EFCC1: variants seen among roughly 807,000 people sequenced by gnomAD.
EFCC1 encodes EF-hand and coiled-coil domain-containing protein 1.
In EFCC1, 50 loss-of-function variants were observed where a neutral mutation model predicts 52.1. That is an observed-to-expected ratio of 0.96 (90% confidence interval 0.76 to 1.21). The LOEUF is 1.21. Ranked by LOEUF, EFCC1 falls within the 50% of genes most tolerant of loss-of-function variation. The pLI, the probability that EFCC1 is intolerant of heterozygous loss-of-function variation, is 0.00. For missense variants in EFCC1, 837 were observed against 867.3 expected (o/e 0.97, Z 0.44); for synonymous variants, 399 against 396.5 (o/e 1.01, Z -0.08).
chr3:129,016,393 A>G (rs1945583505), intron 2 of EFCC1, among the ~76,000 whole-genome samples: 1 of 152,014 alleles, frequency 6.6e-6, no homozygotes, highest in Non-Finnish European at 1.5e-5. Context: ...GCTCTTTCTG[A>G]AGGACTTTAT....
Position 129,002,321 on chromosome 3 carries a change from G to A in EFCC1, c.693G>A (p.Leu231=). ...LQSSDARCLA[L]QVGLWKSQAS... is the part of the protein sequence containing the mutation. ...GCAGTGATGCGCGCTGCCTAGCACTGCAGGTGCGCGCCGGCCACGAAGGGA... is the reference window on the plus strand; with the variant it reads ...GCAGTGATGCGCGCTGCCTAGCACTACAGGTGCGCGCCGGCCACGAAGGGA... The change falls in exon 1 of 8, where the codon CTG becomes CTA. Residue 231 remains leucine (L), a synonymous_variant. Transcript: ENST00000683648. 6.6e-7 allele frequency: 1 copy of A among 1,515,810 alleles called. No individual in the cohort carries two copies. The highest frequency in any genetic ancestry group is 8.8e-7 in the Non-Finnish European group (1 of 1,139,180). 93.9% of individuals were successfully genotyped at this position (1,515,810 alleles called of 1,614,324 possible).
chr3:129,002,745 C>T (rs973564209), intron 1 of EFCC1: 3 of 184,166 alleles, frequency 1.6e-5, no homozygotes, highest in Middle Eastern at 2.2e-3. Flanking sequence ...CCTGTCCTCA[C>T]CTTTAGGGAT....
chr3:129,036,865 T>G (rs1315564472), intron 5 of EFCC1, 112 bp from the exon 6 acceptor site: 1 of 1,528,726 alleles, frequency 6.5e-7, no homozygotes, highest in Non-Finnish European at 8.9e-7. Context: ...GGCCACACAC[T>G]CAGCTTCTCT....
rs920635458 is a variant in EFCC1, at chr3:129,010,913, C to T, written c.980+6836C>T. On this transcript the variant is annotated intron_variant, in intron 2 of 7. Transcript: ENST00000683648. The surrounding 1 kb of genome is among the most constrained non-coding windows in gnomAD (Gnocchi z 4.3). Reference sequence around the variant, plus strand: ...GGCTTGGTGGGTGGGGGCCTAGGCTCAGAAGGCCCAGCCCAACCTGGCTTT... The same window carrying T: ...GGCTTGGTGGGTGGGGGCCTAGGCTTAGAAGGCCCAGCCCAACCTGGCTTT... 6.6e-6 allele frequency among the ~76,000 whole-genome samples: 1 copy of T among 152,206 alleles called. No individual in the cohort carries two copies. Among genetic ancestry groups the T allele is most frequent in the Non-Finnish European group, 1.5e-5 (1 of 68,030 alleles).
intron 2 of EFCC1, among the ~76,000 whole-genome samples, chr3:129,018,437 G>A (rs1203573880): frequency 1.3e-5 from 2 of 152,142 alleles, no homozygotes; most frequent in Non-Finnish European, 2.9e-5. Context: ...TTTTAGTGTC[G>A]ATGAATAAAG....
At chr3:129,028,108 G>A (rs954246660) in intron 2 of EFCC1, among the ~76,000 whole-genome samples, 3 of 143,920 alleles carry the variant, frequency 2.1e-5, no homozygotes, top group Non-Finnish European at 4.5e-5. Context: ...TTTTTGAGAT[G>A]GAGCCTCACC....
rs556585061 is a variant in EFCC1, at chr3:129,010,522, G to A, written c.980+6445G>A. Among the ~76,000 whole-genome samples, 2 of 152,264 alleles carry A rather than the reference G, an allele frequency of 1.3e-5. No homozygotes were observed. Among genetic ancestry groups the A allele is most frequent in the South Asian group, 2.1e-4 (1 of 4,826 alleles). On this transcript the variant is annotated intron_variant, in intron 2 of 7. Transcript: ENST00000683648. This position sits in a 1 kb window ranked among gnomAD's most constrained non-coding sequence, Gnocchi z 4.3. ...GGGATGGAGGAAAGGGGGTGGGAGAGGGAGGGAGGAGGGACGGCAATTGGC... is the reference window on the plus strand; with the variant it reads ...GGGATGGAGGAAAGGGGGTGGGAGAAGGAGGGAGGAGGGACGGCAATTGGC...
chr3:129,035,476 GCTCCAGC>G (rs1197889676), intron 5 of EFCC1, among the ~76,000 whole-genome samples: 1 of 152,252 alleles, frequency 6.6e-6, no homozygotes, highest in African/African-American at 2.4e-5. Flanking sequence ...GCCTGTTTGG[GCTCCAGC>G]CTCTTAGTGC....
rs113567990 is a variant in EFCC1, at chr3:129,015,330, C to A, written c.980+11253C>A. On this transcript the variant is annotated intron_variant, in intron 2 of 7. Transcript: ENST00000683648. Reference sequence around the variant, plus strand: ...CTCTTTAGGGAGGCCCCACCTCCATCTACAGCCTCTTCCTAACGTCTTTCA... The same window carrying A: ...CTCTTTAGGGAGGCCCCACCTCCATATACAGCCTCTTCCTAACGTCTTTCA... 1.0e-3 allele frequency among the ~76,000 whole-genome samples: 159 copies of A among 152,312 alleles called. 1 individual carries two copies. Among genetic ancestry groups the A allele is most frequent in the African/African-American group, 3.8e-3 (157 of 41,556 alleles).
chr3:129,003,667 G>A, intron 1 of EFCC1, 127 bp from the exon 2 acceptor site: 5 of 974,700 alleles, frequency 5.1e-6, no homozygotes, highest in Non-Finnish European at 6.5e-6. Flanking sequence ...CCCGGAAGCA[G>A]ACGGCGCAAG....
rs960784849 is a variant in EFCC1 at position 129,014,963 on chromosome 3, G to A, written c.980+10886G>A. ...CAGACCCACCTGCTACTCTCCAGTC[G>A]CACCCACCACCCAGCCCAGCCCCAG... On this transcript the variant is annotated intron_variant, in intron 2 of 7. Transcript: ENST00000683648. This position sits in a 1 kb window ranked among gnomAD's most constrained non-coding sequence, Gnocchi z 4.3. Among the ~76,000 whole-genome samples, 4 of 152,168 alleles carry A rather than the reference G, an allele frequency of 2.6e-5. No homozygotes were observed. Among genetic ancestry groups the A allele is most frequent in the South Asian group, 2.1e-4 (1 of 4,816 alleles).
intron 2 of EFCC1, among the ~76,000 whole-genome samples, chr3:129,015,593 G>A (rs565985943): frequency 3.9e-5 from 6 of 152,176 alleles, no homozygotes; most frequent in South Asian, 4.2e-4. Context: ...CGGCGCCCCC[G>A]AGAGCTGAGT....
chr3:129,033,513 T>G (rs1440004690), intron 4 of EFCC1, among the ~76,000 whole-genome samples: 1 of 152,218 alleles, frequency 6.6e-6, no homozygotes, highest in Non-Finnish European at 1.5e-5. Context: ...AGATATACAA[T>G]GCCTAACAGG....
intron 1 of EFCC1, chr3:129,002,766 CCTGGGGTAGA>C (rs1944856436): frequency 5.9e-6 from 1 of 168,190 alleles, no homozygotes; most frequent in Non-Finnish European, 1.3e-5. Flanking sequence ...ATCCCTGCCT[CCTGGGGTAGA>C]CTGACAGCTC....
intron 2 of EFCC1, among the ~76,000 whole-genome samples, chr3:129,015,997 G>C (rs552414235): frequency 6.6e-6 from 1 of 152,344 alleles, no homozygotes; most frequent in African/African-American, 2.4e-5. Flanking sequence ...CAGCTCTGCA[G>C]CTTCCTGAGA....
At chr3:129,003,644 T>G (rs970298973) in intron 1 of EFCC1, 150 bp from the exon 2 acceptor site, 1 of 790,332 alleles carries the variant, frequency 1.3e-6, no homozygotes, top group Non-Finnish European at 1.7e-6. Context: ...GCACCGGACC[T>G]AAGGGCCTGG....
chr3:129,031,389 C>A (rs776377623), intron 3 of EFCC1, among the ~76,000 whole-genome samples: 8 of 152,066 alleles, frequency 5.3e-5, no homozygotes, highest in Non-Finnish European at 1.0e-4. Context: ...TGCAGTGAGC[C>A]AAGATTGTGC....
At chr3:129,017,095 C>T (rs1451063226) in intron 2 of EFCC1, among the ~76,000 whole-genome samples, 1 of 152,250 alleles carries the variant, frequency 6.6e-6, no homozygotes, top group Non-Finnish European at 1.5e-5. Flanking sequence ...CCTCAGGCAT[C>T]ACTGCCATAT....
intron 2 of EFCC1, among the ~76,000 whole-genome samples, chr3:129,008,983 T>G (rs1052683037): frequency 7.6e-6 from 1 of 131,700 alleles, no homozygotes; most frequent in African/African-American, 2.8e-5. Context: ...TTTTTATGCA[T>G]AGTAGACATT....
Sources: allele counts gnomAD v4.1 joint callset (sites outside exome capture counted in the v4.1 genomes callset), GRCh38; gene constraint gnomAD v4.1.1; non-coding constraint Gnocchi (gnomAD v3.1); transcripts MANE v1.5; gene names NCBI Gene and HGNC (gene_info 2026-07-23, HGNC 2026-07-21).